The following FYCO1 variants were observed in gnomAD, a reference collection of about 807,000 sequenced individuals.
The protein encoded by FYCO1 is FYVE and coiled-coil domain-containing protein 1.
Under a neutral mutation model 165.1 loss-of-function variants are expected in FYCO1, and 122 were observed. The ratio of observed to expected loss-of-function variants is 0.74; its 90% confidence interval spans 0.64 to 0.86. The LOEUF (loss-of-function observed/expected upper bound fraction) is 0.86. Among genes scored for constraint, FYCO1 ranks in the 40% least tolerant of loss-of-function variants. FYCO1 has a pLI of 0.00. For missense variants in FYCO1, 1,702 were observed against 1,810.3 expected (o/e 0.94, Z 1.09); for synonymous variants, 648 against 742.5 (o/e 0.87, Z 2.07).
chr3:45,966,354 C>T lies in FYCO1; in HGVS notation c.2980G>A (p.Glu994Lys), dbSNP rs34801630. Reference sequence around the variant, plus strand: ...GTGTTGAGCTCCTGGTGTGCAGCCTCTTGGAGGCTCTGGGCCCGCTGCTCT... The same window carrying T: ...GTGTTGAGCTCCTGGTGTGCAGCCTTTTGGAGGCTCTGGGCCCGCTGCTCT... The part of the protein sequence containing the change: ...QAEQRAQSLQ[E>K]AAHQELNTLK... Residue 994 changes from glutamate (E) to lysine (K), a missense_variant, in exon 8 of 18, where the codon GAG becomes AAG. Transcript: ENST00000296137. 0.019 allele frequency: 30,343 copies of T among 1,614,204 alleles called. 1,040 individuals carry two copies. The highest frequency in any genetic ancestry group is 0.15 in the African/African-American group (11,466 of 75,046).
At chr3:45,991,311 C>T (rs1707551475) in intron 1 of FYCO1, among the ~76,000 whole-genome samples, 1 of 152,168 alleles carries the variant, frequency 6.6e-6, no homozygotes, top group African/African-American at 2.4e-5. Context: ...CCTACCTAGC[C>T]TCTCTTTATA....
intron 14 of FYCO1, chr3:45,946,457 A>G (rs948668484): frequency 6.3e-7 from 1 of 1,589,658 alleles, no homozygotes; most frequent in Admixed American, 1.7e-5. Flanking sequence ...GTTCTGACTC[A>G]CAGGTGTTCA....
rs377096896 is a variant in FYCO1 at position 45,977,012 on chromosome 3, G to A, written c.289-1667C>T. Among the ~76,000 whole-genome samples, 28 of 152,266 alleles carry A rather than the reference G, an allele frequency of 1.8e-4. No individual in the cohort carries two copies. The East Asian group carries it at 4.1e-3, about 22-fold the overall frequency. On this transcript the variant is annotated intron_variant, in intron 4 of 17. Transcript: ENST00000296137. ...GCAGATAGACGATCTCAGCAGATGC[G>A]CGGGGGAGAATCTTGATGGTATATC...
rs1431907262 is a variant in FYCO1 at position 45,955,271 on chromosome 3, G to A, written c.3922C>T (p.Leu1308Phe). The A allele has an allele frequency of 3.7e-6, 6 of 1,614,130 alleles. No homozygotes were observed. The highest frequency in any genetic ancestry group is 3.3e-5 in the South Asian group (3 of 91,074). Residue 1308 changes from leucine (L) to phenylalanine (F), a missense_variant, in exon 14 of 18, where the codon CTC (leucine) becomes TTC (phenylalanine). Physicochemically the swap from Leu to Phe is conservative, Grantham distance 22 (BLOSUM62 0). Transcript: ENST00000296137. ...LPETPTETDSLDPNAAEQDTT... is the reference protein window; with the variant it reads ...LPETPTETDSFDPNAAEQDTT... ...CACTGTTCAGCCGCATTTGGGTCGAGAGAATCAGTTTCAGTGGGTGTTTCA... is the reference window on the plus strand; with the variant it reads ...CACTGTTCAGCCGCATTTGGGTCGAAAGAATCAGTTTCAGTGGGTGTTTCA...
intron 1 of FYCO1, among the ~76,000 whole-genome samples, chr3:45,992,705 G>C (rs115008977): frequency 1.3e-5 from 2 of 152,126 alleles, no homozygotes; most frequent in East Asian, 3.9e-4. Context: ...GGTGGGAAAG[G>C]GGGGGTAACA....
At chr3:45,983,798 T>C (rs1057407022) in intron 2 of FYCO1, among the ~76,000 whole-genome samples, 5 of 152,214 alleles carry the variant, frequency 3.3e-5, no homozygotes, top group Non-Finnish European at 7.3e-5. Context: ...GAGCATAGAC[T>C]GGTGCCAGGC....
intron 14 of FYCO1, among the ~76,000 whole-genome samples, chr3:45,953,954 T>C (rs1316636318): frequency 2.6e-5 from 4 of 152,206 alleles, no homozygotes; most frequent in Non-Finnish European, 5.9e-5. Flanking sequence ...TCGCCAAGCC[T>C]GATTAGTGTT....
At chr3:45,965,193 T>C in intron 8 of FYCO1, 68 bp from the exon 9 acceptor site, 1 of 1,223,772 alleles carries the variant, frequency 8.2e-7, no homozygotes, top group South Asian at 1.2e-5. Flanking sequence ...CTCAGCCCCC[T>C]CACCCAAACA....
intron 1 of FYCO1, among the ~76,000 whole-genome samples, chr3:45,988,087 G>C (rs1047524312): frequency 6.6e-6 from 1 of 152,170 alleles, no homozygotes; most frequent in Non-Finnish European, 1.5e-5. Context: ...ATTTTTCAAA[G>C]AGCCTGTGTC....
chr3:45,974,080 C>T (rs985994136), intron 5 of FYCO1, among the ~76,000 whole-genome samples: 2 of 152,018 alleles, frequency 1.3e-5, no homozygotes, highest in Non-Finnish European at 2.9e-5. Context: ...CCAACCCTTG[C>T]CCAAAATGAA....
At position 45,955,364 on chromosome 3, in the gene FYCO1, C is replaced by T. The variant is rs748475750; in HGVS notation, c.3829G>A (p.Asp1277Asn). ...GANTDYRPPDDAVFDIITDEE... is the reference protein window; with the variant it reads ...GANTDYRPPDNAVFDIITDEE... ...TCTGTGATGATATCAAACACAGCGT[C>T]GTCCGGTGGCCTGTAGTCTGTATTT... Residue 1277 changes from aspartate (D) to asparagine (N), a missense_variant, in exon 14 of 18, where the codon GAC becomes AAC. Transcript: ENST00000296137. The T allele has an allele frequency of 9.3e-6, 15 of 1,614,036 alleles. No homozygotes were observed. The highest frequency in any genetic ancestry group is 6.7e-5 in the African/African-American group (5 of 74,906).
Position 45,993,305 on chromosome 3 carries a change from A to G in FYCO1, c.-113+2417T>C, listed in dbSNP as rs1707645157. Among the ~76,000 whole-genome samples, 1 of 152,214 alleles carries G rather than the reference A, an allele frequency of 6.6e-6. No homozygotes were observed. On this transcript the variant is annotated intron_variant, in intron 1 of 17. Transcript: ENST00000296137. This position sits in a 1 kb window ranked among gnomAD's most constrained non-coding sequence, Gnocchi z 4.4. Reference sequence around the variant, plus strand: ...GGATAAAACTGCTCTTGCCTAACTGAGCACAGCTTCTGCCATCATCCTCTT... The same window carrying G: ...GGATAAAACTGCTCTTGCCTAACTGGGCACAGCTTCTGCCATCATCCTCTT...
rs1486551147 is a variant in FYCO1 at position 45,990,245 on chromosome 3, T to A, written c.-112-5223A>T. 3.9e-5 allele frequency among the ~76,000 whole-genome samples: 6 copies of A among 152,108 alleles called. No homozygotes were observed. In the South Asian group the frequency reaches 6.2e-4, roughly 16 times the overall value. ...AACAAACTGCCAGCCAGGTAAAAGGTATTTTTTGGCAGCACGATTAAGAGG... is the reference window on the plus strand; with the variant it reads ...AACAAACTGCCAGCCAGGTAAAAGGAATTTTTTGGCAGCACGATTAAGAGG... On this transcript the variant is annotated intron_variant, in intron 1 of 17. Transcript: ENST00000296137.
rs569608029 is a variant in FYCO1, at chr3:45,962,107, G to C, written c.3437+118C>G. 54 of 1,130,622 alleles carry C rather than the reference G, an allele frequency of 4.8e-5. No homozygotes were observed. Among genetic ancestry groups the C allele is most frequent in the Admixed American group, 6.8e-5 (4 of 59,238 alleles). The allele number at this position is 1,130,622 out of a possible 1,614,324, so 70.0% of individuals were successfully genotyped here. A position where few individuals can be genotyped will look rare whatever the true frequency, so the allele number is the denominator to read the frequency against. ...TGGAGAAGGAGAGAGGGGCTCCTGA[G>C]ACAGCAGCAAGAAAGTGGGGAAATT... is the stretch of plus-strand genomic sequence containing the variant. On this transcript the variant is annotated intron_variant, in intron 11 of 17. Coordinates refer to ENST00000296137, the MANE Select transcript of FYCO1 (RefSeq NM_024513.4). The surrounding 1 kb of genome is among the most constrained non-coding windows in gnomAD (Gnocchi z 4.4).
At chr3:45,980,387 G>A (rs570302481) in intron 3 of FYCO1, among the ~76,000 whole-genome samples, 11 of 151,958 alleles carry the variant, frequency 7.2e-5, no homozygotes, top group African/African-American at 2.4e-4. Context: ...AGAGTCTTAA[G>A]GGCAATATGA....
At chr3:45,929,433 T>C (rs937703479) in intron 16 of FYCO1, among the ~76,000 whole-genome samples, 7 of 152,204 alleles carry the variant, frequency 4.6e-5, no homozygotes, top group African/African-American at 1.7e-4. Context: ...AGCAAAGGCC[T>C]GGATCCCTGA....
intron 4 of FYCO1, among the ~76,000 whole-genome samples, chr3:45,977,366 TATATATA>T (rs1390670893): frequency 2.9e-4 from 3 of 10,342 alleles, no homozygotes; most frequent in African/African-American, 7.0e-4. Flanking sequence ...TATATATATA[TATATATA>T]TATATATATA....
Position 45,968,640 on chromosome 3 carries a change from A to C in FYCO1, c.694T>G (p.Phe232Val). 3.1e-6 allele frequency: 5 copies of C among 1,614,150 alleles called. No homozygotes were observed. The highest frequency in any genetic ancestry group is 4.2e-6 in the Non-Finnish European group (5 of 1,180,024). Residue 232 changes from phenylalanine to valine, a missense_variant, in exon 8 of 18, where the codon TTT (phenylalanine) becomes GTT (valine). By Grantham distance (50) the Phe-to-Val change is conservative. Transcript: ENST00000296137. ...TCCAGCTCTAGTCGCATCTCATCAA[A>C]GCCCTCCAATGCCTCGTTGTTTAGG... is the stretch of plus-strand genomic sequence containing the variant. ...SPLNNEALEG[F>V]DEMRLELDQL...
At chr3:45,972,244 C>G (rs1706485517) in intron 6 of FYCO1, among the ~76,000 whole-genome samples, 1 of 152,000 alleles carries the variant, frequency 6.6e-6, no homozygotes, top group African/African-American at 2.4e-5. Flanking sequence ...TAGCTTGAGC[C>G]CAGGAGTTCA....
Sources: allele counts gnomAD v4.1 joint callset (sites outside exome capture counted in the v4.1 genomes callset), GRCh38; gene constraint gnomAD v4.1.1; non-coding constraint Gnocchi (gnomAD v3.1); transcripts MANE v1.5; gene names NCBI Gene and HGNC (gene_info 2026-07-23, HGNC 2026-07-21).